The following SRPK2 variants were observed in gnomAD, a reference collection of about 807,000 sequenced individuals.
SRPK2 encodes the protein SRSF protein kinase 2, also known as SFRS protein kinase 2.
SRPK2 carries 21 observed loss-of-function variants against 90.8 expected under a neutral mutation model. The observed-to-expected ratio is 0.23, with a 90% confidence interval of 0.16 to 0.33. The LOEUF (loss-of-function observed/expected upper bound fraction) is 0.33, where lower values mean the gene tolerates loss of function less well. Among genes scored for constraint, SRPK2 ranks in the 10% least tolerant of loss-of-function variants. The pLI, the probability that SRPK2 is intolerant of heterozygous loss-of-function variation, is 1.00. For missense variants in SRPK2, 620 were observed against 869.0 expected (o/e 0.71, Z 3.60); for synonymous variants, 288 against 311.1 (o/e 0.93, Z 0.78).
intron 2 of SRPK2, among the ~76,000 whole-genome samples, chr7:105,341,884 T>C (rs1815838312): frequency 1.3e-5 from 2 of 151,898 alleles, no homozygotes; most frequent in Admixed American, 1.3e-4. Context: ...GGAGAATCGC[T>C]GGAACCTGGT....
At chr7:105,200,663 A>T (rs1235310887) in intron 3 of SRPK2, among the ~76,000 whole-genome samples, 1 of 152,244 alleles carries the variant, frequency 6.6e-6, no homozygotes, top group Non-Finnish European at 1.5e-5. Context: ...CAATGGAATA[A>T]ATCAAACCTG....
At chr7:105,242,105 A>T (rs1800888720) in intron 2 of SRPK2, among the ~76,000 whole-genome samples, 1 of 152,230 alleles carries the variant, frequency 6.6e-6, no homozygotes, top group Non-Finnish European at 1.5e-5. Flanking sequence ...CAACATTTCT[A>T]AGTCTGTGAC....
chr7:105,279,224 C>T (rs538900858), intron 2 of SRPK2, among the ~76,000 whole-genome samples: 8 of 151,860 alleles, frequency 5.3e-5, no homozygotes, highest in East Asian at 1.9e-4. Flanking sequence ...GAGGAGGGAG[C>T]GGTGTTGGCG....
chr7:105,165,939 G>C (rs1790001439), intron 6 of SRPK2, among the ~76,000 whole-genome samples: 2 of 152,078 alleles, frequency 1.3e-5, no homozygotes, highest in South Asian at 4.2e-4. Context: ...AACCCACCGG[G>C]AGGAACAAAC....
intron 3 of SRPK2, among the ~76,000 whole-genome samples, chr7:105,192,470 C>A (rs1794416819): frequency 6.6e-6 from 1 of 152,180 alleles, no homozygotes; most frequent in Non-Finnish European, 1.5e-5. Flanking sequence ...GGGTTGGTTC[C>A]ACATTTTTGC....
upstream of SRPK2, chr7:105,389,022 G>C: frequency 1.0e-6 from 1 of 974,470 alleles, no homozygotes; most frequent in Non-Finnish European, 1.2e-6. Flanking sequence ...CCGGGGGTCG[G>C]GACCCCAGCG....
At chr7:105,340,368 A>C (rs537905685) in intron 2 of SRPK2, among the ~76,000 whole-genome samples, 13 of 151,980 alleles carry the variant, frequency 8.6e-5, no homozygotes, top group African/African-American at 3.1e-4. Flanking sequence ...TGGTTATGCA[A>C]AGTAAAATAT....
At chr7:105,203,921 C>T (rs993734053) in intron 2 of SRPK2, 136 bp from the exon 3 acceptor site, 3 of 1,119,426 alleles carry the variant, frequency 2.7e-6, no homozygotes, top group Non-Finnish European at 3.7e-6. Context: ...AATGTCACTT[C>T]ACCCATTTTA....
At chr7:105,220,806 A>G (rs1798004777) in intron 2 of SRPK2, among the ~76,000 whole-genome samples, 1 of 152,080 alleles carries the variant, frequency 6.6e-6, no homozygotes, top group Admixed American at 6.5e-5. Flanking sequence ...ATGTCATCCC[A>G]GGATGTGTCT....
intron 2 of SRPK2, among the ~76,000 whole-genome samples, chr7:105,212,057 C>T (rs78436600): frequency 2.0e-5 from 3 of 152,200 alleles, no homozygotes; most frequent in Non-Finnish European, 4.4e-5. Context: ...CCATTTTACA[C>T]ATTAATTCCA....
At chr7:105,186,577 T>C (rs918014600) in intron 3 of SRPK2, among the ~76,000 whole-genome samples, 2 of 152,232 alleles carry the variant, frequency 1.3e-5, no homozygotes, top group Non-Finnish European at 2.9e-5. Context: ...TCTGACGGAC[T>C]GTGTTCTTCA....
At chr7:105,141,673 T>C (rs1239109175) in intron 11 of SRPK2, among the ~76,000 whole-genome samples, 1 of 152,206 alleles carries the variant, frequency 6.6e-6, no homozygotes, top group Non-Finnish European at 1.5e-5. Context: ...TGACATTAGA[T>C]GGAAGAAGAT....
At chr7:105,233,074 G>A (rs1199718514) in intron 2 of SRPK2, among the ~76,000 whole-genome samples, 2 of 132,982 alleles carry the variant, frequency 1.5e-5, no homozygotes, top group South Asian at 2.5e-4. Context: ...AAGGAAGGAA[G>A]GAAGGAAAGG....
At chr7:105,193,662 T>C (rs1794578182) in intron 3 of SRPK2, among the ~76,000 whole-genome samples, 1 of 152,220 alleles carries the variant, frequency 6.6e-6, no homozygotes, top group East Asian at 1.9e-4. Flanking sequence ...TACCCACCTA[T>C]GAGCATGGGA....
chr7:105,146,462 C>A (rs951570890), intron 8 of SRPK2, 31 bp downstream of exon 8: 6 of 1,610,354 alleles, frequency 3.7e-6, no homozygotes, highest in Non-Finnish European at 4.2e-6. Flanking sequence ...AATGCCCCCA[C>A]ACTGAAATGA....
intron 6 of SRPK2, among the ~76,000 whole-genome samples, chr7:105,165,409 C>T (rs535998400): frequency 1.3e-5 from 2 of 152,284 alleles, no homozygotes; most frequent in East Asian, 1.9e-4. Context: ...CTTCCTGGGT[C>T]GAGTGGGGAC....
intron 2 of SRPK2, among the ~76,000 whole-genome samples, chr7:105,257,731 T>C (rs1237760327): frequency 6.6e-6 from 1 of 152,226 alleles, no homozygotes; most frequent in Non-Finnish European, 1.5e-5. Flanking sequence ...TCTCTATTGC[T>C]GGTGGAGACA....
chr7:105,169,538 C>G (rs1320406940), intron 3 of SRPK2, among the ~76,000 whole-genome samples: 1 of 152,034 alleles, frequency 6.6e-6, no homozygotes, highest in African/African-American at 2.4e-5. Context: ...ACCAGCCTGG[C>G]CAACATGGTG....
chr7:105,290,999 C>G (rs1232469831), intron 2 of SRPK2, among the ~76,000 whole-genome samples: 3 of 141,962 alleles, frequency 2.1e-5, no homozygotes, highest in Non-Finnish European at 4.5e-5. Flanking sequence ...GATTGCGCCA[C>G]TGCAGTCCGC....
Sources: allele counts gnomAD v4.1 joint callset (sites outside exome capture counted in the v4.1 genomes callset), GRCh38; gene constraint gnomAD v4.1.1; transcripts MANE v1.5; gene names NCBI Gene and HGNC (gene_info 2026-07-23, HGNC 2026-07-21).